Variants in SLC24A4 observed in about 807,000 individuals in gnomAD.
SLC24A4 encodes sodium/potassium/calcium exchanger 4.
A neutral mutation model predicts 79.0 loss-of-function variants in SLC24A4; 53 were observed. The ratio of observed to expected loss-of-function variants is 0.67; its 90% CI spans 0.54 to 0.84. SLC24A4 has a LOEUF of 0.84. SLC24A4 is among the 40% of genes least tolerant of loss of function. The probability of loss-of-function intolerance (pLI) is 0.00; values close to 1 mark genes in which losing one functional copy is unlikely to be tolerated. For missense variants in SLC24A4, 731 were observed against 822.0 expected, an observed-to-expected ratio of 0.89 and a Z score of 1.35; for synonymous variants, 323 against 323.8, an observed-to-expected ratio of 1.00 and a Z score of 0.03.
At chr14:92,433,864 G>A in intron 2 of SLC24A4, 48 bp from the exon 3 acceptor site, 2 of 1,514,146 alleles carry the variant, frequency 1.3e-6, no homozygotes, top group South Asian at 1.1e-5. Flanking sequence ...AGGTTTGTCG[G>A]GAGGCCCATA....
At chr14:92,404,987 G>A (rs1006487065) in intron 2 of SLC24A4, among the ~76,000 whole-genome samples, 5 of 152,134 alleles carry the variant, frequency 3.3e-5, no homozygotes, top group Admixed American at 3.3e-4. Context: ...AAAAGAAATA[G>A]ATTTTAAAAA....
chr14:92,455,802 G>T (rs11623983), intron 11 of SLC24A4, among the ~76,000 whole-genome samples: 1 of 151,788 alleles, frequency 6.6e-6, no homozygotes, highest in South Asian at 2.1e-4. Context: ...CCGGGTTCAA[G>T]CGATTCTCCT....
chr14:92,433,268 G>C (rs1010516982), intron 2 of SLC24A4, among the ~76,000 whole-genome samples: 8 of 152,250 alleles, frequency 5.3e-5, no homozygotes, highest in Non-Finnish European at 1.0e-4. Context: ...AGTGGCAGGT[G>C]AGAAGGGATT....
intron 2 of SLC24A4, among the ~76,000 whole-genome samples, chr14:92,417,314 T>G (rs1325506616): frequency 6.6e-6 from 1 of 152,184 alleles, no homozygotes; most frequent in African/African-American, 2.4e-5. Flanking sequence ...GTCTTTATTT[T>G]TGATTTAAAA....
chr14:92,468,153 A>T (rs1403969241), intron 12 of SLC24A4, among the ~76,000 whole-genome samples: 1 of 152,212 alleles, frequency 6.6e-6, no homozygotes. Flanking sequence ...GATATTAAAC[A>T]TTCCCATTTA....
chr14:92,479,693 T>G (rs1257609352), intron 12 of SLC24A4, among the ~76,000 whole-genome samples: 3 of 152,216 alleles, frequency 2.0e-5, no homozygotes, highest in Non-Finnish European at 4.4e-5. Flanking sequence ...TTTGTCTGCG[T>G]TTGGTATCGA....
chr14:92,323,650 C>T lies in SLC24A4; in HGVS notation c.-181C>T, dbSNP rs1381750252. On this transcript the variant is annotated 5_prime_UTR_variant, in exon 1 of 17. Transcript: ENST00000532405. This position sits in a 1 kb window ranked among gnomAD's most constrained non-coding sequence, Gnocchi z 4.9. Reference sequence around the variant, plus strand: ...TGAGCTCCGGCCGCGTCGCGCGTCCCCACCTTCCCAAGGGGCTCCCCCGCC... The same window carrying T: ...TGAGCTCCGGCCGCGTCGCGCGTCCTCACCTTCCCAAGGGGCTCCCCCGCC... 10 of 657,352 alleles carry T rather than the reference C, an allele frequency of 1.5e-5. No individual in the cohort carries two copies. Among genetic ancestry groups the T allele is most frequent in the Middle Eastern group, 4.5e-4 (1 of 2,218 alleles). 40.7% of individuals were successfully genotyped at this position (657,352 alleles called of 1,614,324 possible).
chr14:92,334,719 T>C (rs531159019), intron 2 of SLC24A4, among the ~76,000 whole-genome samples: 1 of 152,278 alleles, frequency 6.6e-6, no homozygotes, highest in Non-Finnish European at 1.5e-5. Flanking sequence ...CGTGTGACCC[T>C]GGACAAGTTA....
chr14:92,467,040 T>G (rs761656062), intron 12 of SLC24A4, among the ~76,000 whole-genome samples: 1 of 152,200 alleles, frequency 6.6e-6, no homozygotes, highest in Non-Finnish European at 1.5e-5. Context: ...TTGATGGTAC[T>G]CCAACATCCA....
chr14:92,398,626 C>G lies in SLC24A4; in HGVS notation c.242-35286C>G, dbSNP rs1422736972. On this transcript the variant is annotated intron_variant, in intron 2 of 16. Coordinates refer to ENST00000532405, the MANE Select transcript of SLC24A4 (RefSeq NM_153646.4). This position sits in a 1 kb window ranked among gnomAD's most constrained non-coding sequence, Gnocchi z 4.1. ...CCAGGGCTGCTGGGACAGGCTCCTT[C>G]ACATCTGTCCCACCTGGCATGGCTC... is the stretch of plus-strand genomic sequence containing the variant. Among the ~76,000 whole-genome samples, 1 of 152,224 alleles carries G rather than the reference C, an allele frequency of 6.6e-6. No homozygotes were observed. Among genetic ancestry groups the G allele is most frequent in the African/African-American group, 2.4e-5 (1 of 41,450 alleles).
rs1024511823 is a variant in SLC24A4, at chr14:92,495,248, AG to A, written c.*1622del. Reference sequence around the variant, plus strand: ...TTAGGGCCTCCTGAGTTTCAAAAGGAGGAAGTGTTCGTGCTTGTGTCCCTGA... The same window carrying A: ...TTAGGGCCTCCTGAGTTTCAAAAGGAGAAGTGTTCGTGCTTGTGTCCCTGA... On this transcript the variant is annotated 3_prime_UTR_variant, in exon 17 of 17. Transcript: ENST00000532405. 1 of 152,284 alleles carries A rather than the reference AG, an allele frequency of 6.6e-6. No homozygotes were observed. Among genetic ancestry groups the A allele is most frequent in the African/African-American group, 2.4e-5 (1 of 41,416 alleles). The allele number at this position is 152,284 out of a possible 1,614,324, so 9.4% of individuals were successfully genotyped here.
intron 2 of SLC24A4, among the ~76,000 whole-genome samples, chr14:92,411,138 G>A (rs1050030435): frequency 1.4e-4 from 21 of 152,130 alleles, no homozygotes; most frequent in Non-Finnish European, 2.9e-4. Context: ...TGAGGATGGG[G>A]GCTGGGACTC....
At chr14:92,435,387 A>G (rs1397960343) in intron 3 of SLC24A4, among the ~76,000 whole-genome samples, 1 of 152,162 alleles carries the variant, frequency 6.6e-6, no homozygotes, top group African/African-American at 2.4e-5. Flanking sequence ...TGTAATATCT[A>G]TTTTTTCACT....
intron 2 of SLC24A4, among the ~76,000 whole-genome samples, chr14:92,335,845 T>C (rs1885757287): frequency 6.6e-6 from 1 of 152,180 alleles, no homozygotes; most frequent in Non-Finnish European, 1.5e-5. Flanking sequence ...AAAGACAAAC[T>C]AGAGATGGGA....
At chr14:92,354,433 G>A (rs1887063792) in intron 2 of SLC24A4, among the ~76,000 whole-genome samples, 1 of 152,062 alleles carries the variant, frequency 6.6e-6, no homozygotes, top group Non-Finnish European at 1.5e-5. Context: ...TTACAGGTGT[G>A]AGCCACCATG....
At position 92,398,764 on chromosome 14, in the gene SLC24A4, T is replaced by A. The variant is rs934884025; in HGVS notation, c.242-35148T>A. Among the ~76,000 whole-genome samples, 9 of 152,124 alleles carry A rather than the reference T, an allele frequency of 5.9e-5. No individual in the cohort carries two copies. Among genetic ancestry groups the A allele is most frequent in the African/African-American group, 2.2e-4 (9 of 41,432 alleles). On this transcript the variant is annotated intron_variant, in intron 2 of 16. Coordinates refer to ENST00000532405, the MANE Select transcript of SLC24A4 (RefSeq NM_153646.4). This position sits in a 1 kb window ranked among gnomAD's most constrained non-coding sequence, Gnocchi z 4.1. ...TTACCAGCATGTCCTCTCAAACACCTCCTGCCCTCAGTGGAAACCCCGGAG... is the reference window on the plus strand; with the variant it reads ...TTACCAGCATGTCCTCTCAAACACCACCTGCCCTCAGTGGAAACCCCGGAG...
In SLC24A4 at chr14:92,492,388, A is replaced by G; in HGVS notation, c.1716+148A>G. 3 of 724,344 alleles carry G rather than the reference A, an allele frequency of 4.1e-6. No homozygotes were observed. The South Asian group carries it at 5.3e-5, about 13-fold the overall frequency. 44.9% of individuals were successfully genotyped at this position (724,344 alleles called of 1,614,324 possible). The stretch of plus-strand genomic sequence containing the variant: ...AGAAAATGTAGACGTTCATAGACAC[A>G]CCCAAGTCCAGTCTTTGCCAAGAGC... On this transcript the variant is annotated intron_variant, in intron 16 of 16. Coordinates refer to ENST00000532405, the MANE Select transcript of SLC24A4 (RefSeq NM_153646.4).
chr14:92,324,379 G>C (rs553013815), intron 1 of SLC24A4, among the ~76,000 whole-genome samples: 122 of 152,212 alleles, frequency 8.0e-4, no homozygotes, highest in Admixed American at 1.4e-3. Flanking sequence ...CCCCTGCCCT[G>C]GTTCAAAGGG....
At chr14:92,446,720 G>A (rs1183637855) in intron 8 of SLC24A4, among the ~76,000 whole-genome samples, 2 of 152,220 alleles carry the variant, frequency 1.3e-5, no homozygotes, top group Non-Finnish European at 2.9e-5. Context: ...TGGTTTATAT[G>A]TGTCAAGTGA....
Sources: allele counts gnomAD v4.1 joint callset (sites outside exome capture counted in the v4.1 genomes callset), GRCh38; gene constraint gnomAD v4.1.1; non-coding constraint Gnocchi (gnomAD v3.1); transcripts MANE v1.5; gene names NCBI Gene and HGNC (gene_info 2026-07-23, HGNC 2026-07-21).